The following PTPN3 variants were observed in gnomAD, a reference collection of about 807,000 sequenced individuals.
PTPN3 encodes the protein protein tyrosine phosphatase non-receptor type 3.
In PTPN3, 96 loss-of-function variants were observed where a neutral mutation model predicts 132.7. The observed-to-expected ratio is 0.72, with a 90% confidence interval of 0.61 to 0.86. The LOEUF is 0.86. Ranked by LOEUF, PTPN3 falls within the 40% of genes least tolerant of loss-of-function variation. The pLI is 0.00. For missense variants in PTPN3, 1,125 were observed against 1,159.6 expected, an observed-to-expected ratio of 0.97 and a Z score of 0.43; for synonymous variants, 398 against 429.0, an observed-to-expected ratio of 0.93 and a Z score of 0.89.
At chr9:109,403,293 CA>C (rs1368572213) in intron 19 of PTPN3, among the ~76,000 whole-genome samples, 2 of 152,190 alleles carry the variant, frequency 1.3e-5, no homozygotes, top group African/African-American at 4.8e-5. Context: ...ATGCCTTCCT[CA>C]ATTACTCTGC....
chr9:109,441,132 C>T (rs1844435023), intron 7 of PTPN3, among the ~76,000 whole-genome samples: 1 of 152,192 alleles, frequency 6.6e-6, no homozygotes, highest in South Asian at 2.1e-4. Flanking sequence ...TACCTACTTA[C>T]TATACTATAT....
the PTPN3 span, among the ~76,000 whole-genome samples, chr9:109,527,684 G>T: frequency 6.6e-6 from 1 of 152,146 alleles, no homozygotes; most frequent in African/African-American, 2.4e-5. Flanking sequence ...ACACTGGTTT[G>T]ATCATAACAC....
chr9:109,391,875 G>A (rs972058194), intron 19 of PTPN3, among the ~76,000 whole-genome samples: 1 of 105,120 alleles, frequency 9.5e-6, no homozygotes. Flanking sequence ...AGATGTGGGG[G>A]GGGGGGGGAA....
chr9:109,437,586 G>T (rs755952634), intron 8 of PTPN3, among the ~76,000 whole-genome samples: 3 of 152,204 alleles, frequency 2.0e-5, no homozygotes, highest in African/African-American at 4.8e-5. Flanking sequence ...GGGAAGAGCA[G>T]CCAGAATTGG....
chr9:109,394,696 TGATCA>T (rs1840419878), intron 19 of PTPN3, among the ~76,000 whole-genome samples: 1 of 152,222 alleles, frequency 6.6e-6, no homozygotes, highest in African/African-American at 2.4e-5. Context: ...TATACAATGA[TGATCA>T]TATAGTAGCA....
chr9:109,462,608 G>A (rs1051363559), intron 2 of PTPN3, among the ~76,000 whole-genome samples: 5 of 152,022 alleles, frequency 3.3e-5, no homozygotes, highest in Admixed American at 6.5e-5. Context: ...GCTCGGTGGT[G>A]ACTGGGGTGG....
At chr9:109,482,008 C>G (rs138873621) in intron 1 of PTPN3, among the ~76,000 whole-genome samples, 3 of 152,330 alleles carry the variant, frequency 2.0e-5, no homozygotes, top group Non-Finnish European at 4.4e-5. Flanking sequence ...CCCTGCTGAT[C>G]AGGCCATAGA....
At chr9:109,409,497 G>A (rs1841896616) in intron 16 of PTPN3, among the ~76,000 whole-genome samples, 1 of 152,092 alleles carries the variant, frequency 6.6e-6, no homozygotes, top group Non-Finnish European at 1.5e-5. Flanking sequence ...CAGGCACTTG[G>A]CCTTCGGCAG....
chr9:109,456,203 C>A (rs895753603), intron 4 of PTPN3, among the ~76,000 whole-genome samples: 2 of 152,246 alleles, frequency 1.3e-5, no homozygotes, highest in Non-Finnish European at 1.5e-5. Flanking sequence ...GTGCGCAAAT[C>A]CACTTGCCCT....
chr9:109,478,114 C>G (rs41529151), intron 1 of PTPN3, among the ~76,000 whole-genome samples: 7,653 of 152,182 alleles, frequency 0.05, 319 homozygotes, highest in East Asian at 0.22. Flanking sequence ...CAAGAAATAA[C>G]CCTGGGTGGC....
At chr9:109,428,945 T>G in intron 10 of PTPN3, 1 of 985,462 alleles carries the variant, frequency 1.0e-6, no homozygotes, top group African/African-American at 1.7e-5. Context: ...GGCCATGCGC[T>G]CTCTTTGCTA....
At chr9:109,441,199 A>G (rs1844439665) in intron 7 of PTPN3, among the ~76,000 whole-genome samples, 1 of 152,218 alleles carries the variant, frequency 6.6e-6, no homozygotes, top group African/African-American at 2.4e-5. Flanking sequence ...CACATGCAAA[A>G]GCTAATTATA....
At chr9:109,406,013 C>A (rs1376227752) in intron 18 of PTPN3, among the ~76,000 whole-genome samples, 2 of 152,242 alleles carry the variant, frequency 1.3e-5, no homozygotes, top group Non-Finnish European at 1.5e-5. Flanking sequence ...CCCGCAGAGG[C>A]AGAGTGAGGA....
At chr9:109,510,166 GAA>G in the PTPN3 span, among the ~76,000 whole-genome samples, 1 of 152,264 alleles carries the variant, frequency 6.6e-6, no homozygotes, top group South Asian at 2.1e-4. Context: ...GCTATATAAA[GAA>G]AAGATATGAA....
intron 1 of PTPN3, among the ~76,000 whole-genome samples, chr9:109,471,642 G>T (rs2132073908): frequency 6.7e-6 from 1 of 150,132 alleles, no homozygotes; most frequent in Non-Finnish European, 1.5e-5. Context: ...TCAGGATCAT[G>T]CCTGGTTTTA....
intron 7 of PTPN3, 98 bp from the exon 8 acceptor site, chr9:109,438,332 T>G (rs1045237760): frequency 8.4e-6 from 11 of 1,311,642 alleles, no homozygotes; most frequent in Middle Eastern, 5.0e-4. Flanking sequence ...ATAACATTAA[T>G]TAGAAATACT....
At chr9:109,416,279 G>C (rs1388566938) in intron 14 of PTPN3, among the ~76,000 whole-genome samples, 1 of 152,052 alleles carries the variant, frequency 6.6e-6, no homozygotes, top group Non-Finnish European at 1.5e-5. Context: ...AAGAACAGTG[G>C]GCACCTGGGC....
Position 109,377,436 on chromosome 9 carries a change from A to G in PTPN3, c.*2120T>C, listed in dbSNP as rs1032305174. The G allele has an allele frequency of 1.4e-5, 2 of 147,800 alleles. 1 individual carries two copies. Among genetic ancestry groups the G allele is most frequent in the African/African-American group, 5.4e-5 (2 of 37,316 alleles). The allele number at this position is 147,800 out of a possible 1,614,324, so 9.2% of individuals were successfully genotyped here. On this transcript the variant is annotated 3_prime_UTR_variant, in exon 26 of 26. Coordinates refer to ENST00000374541, the MANE Select transcript of PTPN3 (RefSeq NM_002829.4). ...CACACACACACACACACACACACAC[A>G]CACACACACACACACACACACAAGC...
At chr9:109,520,794 G>A in the PTPN3 span, among the ~76,000 whole-genome samples, 3 of 152,180 alleles carry the variant, frequency 2.0e-5, no homozygotes, top group Non-Finnish European at 4.4e-5. Context: ...CTAAGCAAAA[G>A]CCAGTCCTCT....
Sources: allele counts gnomAD v4.1 joint callset (sites outside exome capture counted in the v4.1 genomes callset), GRCh38; gene constraint gnomAD v4.1.1; transcripts MANE v1.5; gene names NCBI Gene and HGNC (gene_info 2026-07-23, HGNC 2026-07-21).